Variants in MGMT observed in about 807,000 individuals in gnomAD.
MGMT encodes methylated-DNA--protein-cysteine methyltransferase.
In MGMT, 14 loss-of-function variants were observed where a neutral mutation model predicts 15.9. The ratio of observed to expected loss-of-function variants is 0.88; its 90% CI spans 0.58 to 1.37. The LOEUF (loss-of-function observed/expected upper bound fraction) is 1.37. MGMT is among the 40% of genes most tolerant of loss of function. The pLI is 0.00. For synonymous variants in MGMT, 130 were observed against 118.2 expected, an observed-to-expected ratio of 1.10 and a Z score of -0.65; for missense variants, 282 against 268.1, an observed-to-expected ratio of 1.05 and a Z score of -0.36.
At chr10:129,681,918 A>G (rs1332935466) in intron 2 of MGMT, among the ~76,000 whole-genome samples, 1 of 152,224 alleles carries the variant, frequency 6.6e-6, no homozygotes, top group East Asian at 1.9e-4. Flanking sequence ...CCAGCTAGAA[A>G]TTGGACAAAC....
chr10:129,598,665 A>C (rs1846781564), intron 2 of MGMT, among the ~76,000 whole-genome samples: 1 of 152,192 alleles, frequency 6.6e-6, no homozygotes, highest in South Asian at 2.1e-4. Context: ...AGGGAGTAAG[A>C]ATATTTATGG....
At chr10:129,550,335 C>T (rs58195132) in intron 2 of MGMT, among the ~76,000 whole-genome samples, 6 of 131,188 alleles carry the variant, frequency 4.6e-5, no homozygotes, top group African/African-American at 1.4e-4. Flanking sequence ...CGCCCAGCAC[C>T]GGCATGTTTC....
intron 2 of MGMT, among the ~76,000 whole-genome samples, chr10:129,707,461 G>C (rs1160100520): frequency 6.6e-6 from 1 of 152,124 alleles, no homozygotes; most frequent in Non-Finnish European, 1.5e-5. Flanking sequence ...CACAGCACAC[G>C]GCCATGGAGG....
At chr10:129,668,374 G>A (rs1463953146) in intron 2 of MGMT, among the ~76,000 whole-genome samples, 1 of 151,702 alleles carries the variant, frequency 6.6e-6, no homozygotes, top group East Asian at 1.9e-4. Context: ...GCCTGTTCCT[G>A]TTCTAGAAGT....
intron 1 of MGMT, among the ~76,000 whole-genome samples, chr10:129,520,428 A>T (rs1231996257): frequency 8.2e-6 from 1 of 122,398 alleles, no homozygotes; most frequent in Non-Finnish European, 1.7e-5. Flanking sequence ...CCGTGCGCAT[A>T]CAGAGCCCCT....
At chr10:129,619,456 G>C (rs1307707091) in intron 2 of MGMT, among the ~76,000 whole-genome samples, 1 of 152,132 alleles carries the variant, frequency 6.6e-6, no homozygotes, top group Admixed American at 6.5e-5. Context: ...CTGGTCTGCA[G>C]TTTTCACATT....
intron 2 of MGMT, among the ~76,000 whole-genome samples, chr10:129,616,783 C>T (rs985600569): frequency 2.6e-5 from 4 of 152,136 alleles, no homozygotes; most frequent in African/African-American, 9.7e-5. Context: ...CAGGAAAGAA[C>T]ATGCCCCACT....
At chr10:129,746,419 T>C (rs1208240974) in intron 3 of MGMT, among the ~76,000 whole-genome samples, 1 of 151,670 alleles carries the variant, frequency 6.6e-6, no homozygotes, top group African/African-American at 2.4e-5. Flanking sequence ...AGATTTGTCA[T>C]ATAGTTTCTT....
chr10:129,752,953 C>A (rs184872946), intron 3 of MGMT, among the ~76,000 whole-genome samples: 1 of 152,162 alleles, frequency 6.6e-6, no homozygotes, highest in African/African-American at 2.4e-5. Context: ...TAACTATAAC[C>A]ATCATTTCCC....
intron 2 of MGMT, among the ~76,000 whole-genome samples, chr10:129,635,129 T>C (rs1174027293): frequency 1.3e-5 from 2 of 152,210 alleles, no homozygotes; most frequent in Admixed American, 6.5e-5. Flanking sequence ...GGAAAAGTCA[T>C]GCTCCCAGCC....
rs1198447015 is a variant in MGMT, at chr10:129,556,217, G to A, written c.125+19840G>A. On this transcript the variant is annotated intron_variant, in intron 2 of 4. Coordinates refer to ENST00000651593, the MANE Select transcript of MGMT (RefSeq NM_002412.5). This position sits in a 1 kb window ranked among gnomAD's most constrained non-coding sequence, Gnocchi z 4.3. The stretch of plus-strand genomic sequence containing the variant: ...CTCTGTTGGTCTCTGTGTAGCACGT[G>A]GCCCCCAAAATTTAGGTGTTGAAGT... Among the ~76,000 whole-genome samples the A allele has an allele frequency of 6.6e-6, 1 of 152,144 alleles. No individual in the cohort carries two copies. Among genetic ancestry groups the A allele is most frequent in the Non-Finnish European group, 1.5e-5 (1 of 68,032 alleles).
At chr10:129,609,677 G>GT (rs1846936755) in intron 2 of MGMT, among the ~76,000 whole-genome samples, 2 of 152,226 alleles carry the variant, frequency 1.3e-5, no homozygotes, top group African/African-American at 4.8e-5. Context: ...AGCAGGATGA[G>GT]TAAGACCTGG....
chr10:129,642,760 AG>A (rs1452224942), intron 2 of MGMT, among the ~76,000 whole-genome samples: 4 of 152,152 alleles, frequency 2.6e-5, no homozygotes, highest in Non-Finnish European at 5.9e-5. Context: ...AGGATAGACC[AG>A]TAACTCCTGA....
At chr10:129,734,532 C>T (rs1254677587) in intron 3 of MGMT, among the ~76,000 whole-genome samples, 1 of 151,918 alleles carries the variant, frequency 6.6e-6, no homozygotes, top group Non-Finnish European at 1.5e-5. Flanking sequence ...TTCCTCTTTT[C>T]CTAATTGAAT....
intron 2 of MGMT, among the ~76,000 whole-genome samples, chr10:129,554,083 C>T (rs1846187455): frequency 1.3e-5 from 2 of 152,204 alleles, no homozygotes. Flanking sequence ...TGGCGTGCTG[C>T]CAATGAGAAA....
At chr10:129,759,114 G>T (rs577534511) in intron 3 of MGMT, 88 bp from the exon 4 acceptor site, 3 of 1,493,868 alleles carry the variant, frequency 2.0e-6, no homozygotes, top group East Asian at 2.3e-5. Context: ...GTGTAGATGC[G>T]TTTCCTGTTT....
At chr10:129,540,300 G>A (rs1016308249) in intron 2 of MGMT, among the ~76,000 whole-genome samples, 2 of 152,190 alleles carry the variant, frequency 1.3e-5, no homozygotes, top group Non-Finnish European at 2.9e-5. Context: ...TTAGGATTCT[G>A]TATAAAAATT....
intron 2 of MGMT, among the ~76,000 whole-genome samples, chr10:129,648,580 T>A (rs1847422159): frequency 6.6e-6 from 1 of 152,232 alleles, no homozygotes; most frequent in African/African-American, 2.4e-5. Context: ...ATTAAATGAT[T>A]TTTCTCTTCA....
intron 2 of MGMT, among the ~76,000 whole-genome samples, chr10:129,593,380 T>TC (rs1846712296): frequency 1.3e-5 from 2 of 152,084 alleles, no homozygotes; most frequent in Admixed American, 6.5e-5. Context: ...GGATGGGCGG[T>TC]CCTCCCTCCT....
Sources: gnomAD v4.1 joint callset for allele counts (sites outside exome capture counted in the v4.1 genomes callset) on GRCh38, gnomAD v4.1.1 for gene constraint, Gnocchi (gnomAD v3.1) non-coding constraint, MANE v1.5 for transcripts, NCBI Gene and HGNC (gene_info 2026-07-23, HGNC 2026-07-21) for gene names.